Variants in KIAA0586 observed in about 807,000 individuals in gnomAD.
KIAA0586 encodes KIAA0586.
KIAA0586 carries 144 observed loss-of-function variants against 169.8 expected under a neutral mutation model. That is an observed-to-expected ratio of 0.85 (90% CI 0.74 to 0.97). The LOEUF (loss-of-function observed/expected upper bound fraction) is 0.97. Among genes scored for constraint, KIAA0586 ranks in the 50% least tolerant of loss-of-function variants. The pLI is 0.00. For missense variants in KIAA0586, 1,854 were observed against 1,823.0 expected, an observed-to-expected ratio of 1.02 and a Z score of -0.31; for synonymous variants, 625 against 612.4, an observed-to-expected ratio of 1.02 and a Z score of -0.30.
intron 30 of KIAA0586, among the ~76,000 whole-genome samples, chr14:58,546,064 G>T (rs1375697795): frequency 6.6e-5 from 10 of 152,032 alleles, no homozygotes; most frequent in African/African-American, 2.4e-4. Flanking sequence ...ACAGTCTTTA[G>T]TGTCTATTCA....
At chr14:58,521,556 G>A (rs1566936295) in intron 29 of KIAA0586, 3 of 858,510 alleles carry the variant, frequency 3.5e-6, no homozygotes, top group East Asian at 2.7e-5. Flanking sequence ...CGAAATGTCA[G>A]CATGTATCAG....
chr14:58,486,829 T>C (rs1281844132), intron 21 of KIAA0586, among the ~76,000 whole-genome samples, 178 bp from the exon 22 acceptor site: 1 of 152,192 alleles, frequency 6.6e-6, no homozygotes, highest in East Asian at 1.9e-4. Flanking sequence ...GTTATTTCAA[T>C]TGCCTGAGAC....
In KIAA0586 at chr14:58,442,605, A is replaced by G. The variant is rs950085659; in HGVS notation, c.411-101A>G. 4 of 912,106 alleles carry G rather than the reference A, an allele frequency of 4.4e-6. No homozygotes were observed. The African/African-American group carries it at 5.1e-5, about 12-fold the overall frequency. The allele number at this position is 912,106 out of a possible 1,614,324, so 56.5% of individuals were successfully genotyped here. On this transcript the variant is annotated intron_variant, in intron 4 of 30. Transcript: ENST00000652326. ...TGTTTGATAGGTGATTTAATTAAAA[A>G]AAATCAAAACCACCTTCGGCAGATT...
chr14:58,539,039 C>T (rs558276374), intron 29 of KIAA0586, among the ~76,000 whole-genome samples: 27 of 152,268 alleles, frequency 1.8e-4, no homozygotes, highest in African/African-American at 3.4e-4. Context: ...CTCAAACTCC[C>T]GAAGTGCTTG....
chr14:58,440,049 ATT>A (rs59044231), intron 4 of KIAA0586: 100 of 164,052 alleles, frequency 6.1e-4, no homozygotes, highest in South Asian at 2.2e-3. Context: ...TTAATTTTTA[ATT>A]TTTTTTTTTT....
chr14:58,520,233 A>G (rs1366813607), intron 29 of KIAA0586, among the ~76,000 whole-genome samples: 1 of 152,202 alleles, frequency 6.6e-6, no homozygotes, highest in African/African-American at 2.4e-5. Flanking sequence ...CTCCCTTTAA[A>G]TTCTCACTGG....
At chr14:58,537,055 C>A in intron 29 of KIAA0586, 1 of 1,266,920 alleles carries the variant, frequency 7.9e-7, no homozygotes, top group South Asian at 1.3e-5. Context: ...ACTTGAGAAG[C>A]AGTTTTCAAG....
chr14:58,458,021 A>T, intron 11 of KIAA0586, 42 bp downstream of exon 11: 3 of 1,277,994 alleles, frequency 2.3e-6, no homozygotes, highest in Non-Finnish European at 3.3e-6. Flanking sequence ...TGAGTCTGTC[A>T]GTTCCACTTT....
intron 13 of KIAA0586, among the ~76,000 whole-genome samples, 160 bp from the exon 14 acceptor site, chr14:58,460,826 A>C (rs1417681225): frequency 5.9e-5 from 9 of 152,098 alleles, no homozygotes; most frequent in Non-Finnish European, 1.2e-4. Context: ...TAATGCTTGA[A>C]ACCTGTTATC....
At chr14:58,472,856 G>A (rs1047017134) in intron 18 of KIAA0586, among the ~76,000 whole-genome samples, 2 of 148,164 alleles carry the variant, frequency 1.3e-5, no homozygotes, top group South Asian at 4.5e-4. Context: ...GACTTTTAGA[G>A]CTAAGATCAG....
rs1391631587 is a variant in KIAA0586 at position 58,467,903 on chromosome 14, C to T, written c.2423C>T (p.Pro808Leu). The stretch of plus-strand genomic sequence containing the variant: ...GAAATGAAGTCAGAAAAAAAGGATC[C>T]TCCTCAGCTTACTGTGCAGGTATGC... ...IVEMKSEKKD[P>L]PQLTVQVLPS... The change falls in exon 16 of 31, where the codon CCT (proline) becomes CTT (leucine). Residue 808 changes from proline to leucine, a missense_variant. Physicochemically the swap from Pro to Leu is moderately conservative, Grantham distance 98. Transcript: ENST00000652326. 2.5e-6 allele frequency: 4 copies of T among 1,612,732 alleles called. No individual in the cohort carries two copies.
chr14:58,472,618 G>A (rs369517957), intron 18 of KIAA0586, among the ~76,000 whole-genome samples: 28 of 151,466 alleles, frequency 1.8e-4, no homozygotes, highest in African/African-American at 6.3e-4. Context: ...TGGATTCATG[G>A]TGAGGTGACT....
At chr14:58,479,590 C>A (rs1386749182) in intron 20 of KIAA0586, among the ~76,000 whole-genome samples, 2 of 152,050 alleles carry the variant, frequency 1.3e-5, no homozygotes, top group African/African-American at 4.8e-5. Flanking sequence ...TTAAAAAAAT[C>A]TTTGCTAACC....
chr14:58,427,993 T>G lies in KIAA0586; in HGVS notation c.-272T>G, dbSNP rs2036982765. On this transcript the variant is annotated 5_prime_UTR_variant, in exon 1 of 31. Coordinates refer to ENST00000652326, the MANE Select transcript of KIAA0586 (RefSeq NM_001329943.3). ...GGGTTGGGGAGTGCACTGTTATGGT[T>G]ATTGTTGCTCCTGTGGCCATTCTCT... 2.8e-6 allele frequency: 4 copies of G among 1,424,412 alleles called. No individual in the cohort carries two copies. The highest frequency in any genetic ancestry group is 3.6e-6 in the Non-Finnish European group (4 of 1,096,254). The allele number at this position is 1,424,412 out of a possible 1,614,324, so 88.2% of individuals were successfully genotyped here.
At chr14:58,507,280 TTA>T (rs535740704) in intron 27 of KIAA0586, among the ~76,000 whole-genome samples, 29 of 146,464 alleles carry the variant, frequency 2.0e-4, no homozygotes, top group Non-Finnish European at 2.5e-4. Context: ...TATGTATGAT[TTA>T]TATATATATC....
intron 29 of KIAA0586, among the ~76,000 whole-genome samples, chr14:58,513,177 CT>C (rs113692231): frequency 0.018 from 2,662 of 151,998 alleles, 77 homozygotes; most frequent in African/African-American, 0.061. Flanking sequence ...GGCTGTTGGC[CT>C]TGTGTTTTGT....
At chr14:58,489,877 A>G (rs969467062) in intron 24 of KIAA0586, among the ~76,000 whole-genome samples, 1 of 152,064 alleles carries the variant, frequency 6.6e-6, no homozygotes, top group Non-Finnish European at 1.5e-5. Flanking sequence ...AATTATATCA[A>G]CAGTATATGA....
At chr14:58,462,121 A>G (rs2040372507) in intron 14 of KIAA0586, among the ~76,000 whole-genome samples, 1 of 152,216 alleles carries the variant, frequency 6.6e-6, no homozygotes, top group African/African-American at 2.4e-5. Flanking sequence ...TTATGCAATC[A>G]TATACAGTGT....
intron 29 of KIAA0586, chr14:58,536,994 G>GTT: frequency 1.1e-5 from 14 of 1,235,912 alleles, no homozygotes; most frequent in African/African-American, 1.6e-5. Flanking sequence ...CCAGTATTAT[G>GTT]TTTTTTTTTC....
Sources: allele counts gnomAD v4.1 joint callset (sites outside exome capture counted in the v4.1 genomes callset), GRCh38; gene constraint gnomAD v4.1.1; transcripts MANE v1.5; gene names NCBI Gene and HGNC (gene_info 2026-07-23, HGNC 2026-07-21).